Variants in SLC44A1 observed in about 807,000 individuals in gnomAD.
SLC44A1 encodes the protein choline transporter-like protein 1.
In SLC44A1, 26 loss-of-function variants were observed where a neutral mutation model predicts 79.3. The ratio of observed to expected loss-of-function variants is 0.33; its 90% CI spans 0.24 to 0.46. The LOEUF (loss-of-function observed/expected upper bound fraction) is 0.46. SLC44A1 is among the 20% of genes least tolerant of loss of function. SLC44A1 has a pLI of 1.00. For missense variants in SLC44A1, 688 were observed against 798.1 expected (o/e 0.86, Z 1.66); for synonymous variants, 263 against 286.2 (o/e 0.92, Z 0.82).
At chr9:105,265,215 C>A (rs947185529) in intron 1 of SLC44A1, among the ~76,000 whole-genome samples, 1 of 152,132 alleles carries the variant, frequency 6.6e-6, no homozygotes. Context: ...CTTTGACAGA[C>A]GCATGGCCTT....
chr9:105,288,736 T>C (rs1830534258), intron 1 of SLC44A1, among the ~76,000 whole-genome samples: 1 of 152,234 alleles, frequency 6.6e-6, no homozygotes, highest in Admixed American at 6.5e-5. Context: ...TTTACATTGC[T>C]TTCAGTTTCT....
In SLC44A1 at chr9:105,352,703, T is replaced by C. The variant is rs141349804; in HGVS notation, c.501-3509T>C. The stretch of plus-strand genomic sequence containing the variant: ...GTAAGATACTAAAGTAGAAATGATC[T>C]CGTAATACTAGCTCCTCAAAAGTAT... On this transcript the variant is annotated intron_variant, in intron 5 of 15. Transcript: ENST00000374720. Among the ~76,000 whole-genome samples the C allele has an allele frequency of 1.1e-3, 173 of 152,328 alleles. 2 individuals are homozygous for C. Among genetic ancestry groups the C allele is most frequent in the African/African-American group, 4.0e-3 (168 of 41,578 alleles).
intron 3 of SLC44A1, among the ~76,000 whole-genome samples, chr9:105,324,461 C>T (rs1826508021): frequency 6.6e-6 from 1 of 151,922 alleles, no homozygotes; most frequent in Admixed American, 6.6e-5. Flanking sequence ...CTGTGTTGGC[C>T]AGGCTGGTCT....
chr9:105,330,959 G>A (rs963553346), intron 3 of SLC44A1, among the ~76,000 whole-genome samples: 2 of 152,146 alleles, frequency 1.3e-5, no homozygotes, highest in African/African-American at 4.8e-5. Context: ...ATGCATTTCT[G>A]TATCATCTGA....
rs1022940603 is a variant in SLC44A1 at position 105,387,165 on chromosome 9, C to T, written c.1950+1663C>T. Among the ~76,000 whole-genome samples, 4 of 148,640 alleles carry T rather than the reference C, an allele frequency of 2.7e-5. No homozygotes were observed. The East Asian group carries it at 5.9e-4, about 22-fold the overall frequency. Reference sequence around the variant, plus strand: ...AGGCTATATGTATATTCAAACTAATCGCATATTCAACCTAAGTTAAAGCCT... The same window carrying T: ...AGGCTATATGTATATTCAAACTAATTGCATATTCAACCTAAGTTAAAGCCT... On this transcript the variant is annotated intron_variant, in intron 15 of 15. Coordinates refer to ENST00000374720, the MANE Select transcript of SLC44A1 (RefSeq NM_080546.5).
At chr9:105,311,371 A>G (rs1426511919) in intron 3 of SLC44A1, among the ~76,000 whole-genome samples, 1 of 152,174 alleles carries the variant, frequency 6.6e-6, no homozygotes. Context: ...ATAAGAGGAA[A>G]AGGGATCTGC....
Position 105,366,433 on chromosome 9 carries a change from A to C in SLC44A1, c.1494+4A>C. 7.8e-7 allele frequency: 1 copy of C among 1,285,288 alleles called. No individual in the cohort carries two copies. The highest frequency in any genetic ancestry group is 1.1e-6 in the Non-Finnish European group (1 of 935,626). 79.6% of individuals were successfully genotyped at this position (1,285,288 alleles called of 1,614,324 possible). On this transcript the variant is annotated splice_donor_region_variant and intron_variant, in intron 12 of 15. Transcript: ENST00000374720. Reference sequence around the variant, plus strand: ...GTGCCTAAATTATTTAAATCAGGTAAAATATTTTAAAAATAAATCTAATAT... The same window carrying C: ...GTGCCTAAATTATTTAAATCAGGTACAATATTTTAAAAATAAATCTAATAT...
chr9:105,334,237 A>G (rs983809813), intron 3 of SLC44A1, among the ~76,000 whole-genome samples: 5 of 146,914 alleles, frequency 3.4e-5, no homozygotes, highest in Admixed American at 2.0e-4. Context: ...GGTCACACAC[A>G]CATTTTTTTT....
intron 4 of SLC44A1, among the ~76,000 whole-genome samples, chr9:105,341,121 G>A (rs775504129): frequency 3.2e-4 from 49 of 152,078 alleles, no homozygotes; most frequent in Non-Finnish European, 4.3e-4. Context: ...GATCACCTGA[G>A]GTCAGGAGTT....
chr9:105,364,475 C>T, intron 9 of SLC44A1, 80 bp from the exon 10 acceptor site: 6 of 1,214,650 alleles, frequency 4.9e-6, no homozygotes, highest in Non-Finnish European at 7.0e-6. Context: ...GGGTAGGGAC[C>T]TATTGCCTTC....
rs1011200274 is a variant in SLC44A1 at position 105,334,374 on chromosome 9, AT to A, written c.270-1180del. Reference sequence around the variant, plus strand: ...AGTAGCCCCCTTTTTTTTCCTACTTATTTTTTTTTCCTTTATAGTTTCCATT... The same window carrying A: ...AGTAGCCCCCTTTTTTTTCCTACTTATTTTTTTTCCTTTATAGTTTCCATT... On this transcript the variant is annotated intron_variant, in intron 3 of 15. Coordinates refer to ENST00000374720, the MANE Select transcript of SLC44A1 (RefSeq NM_080546.5). Among the ~76,000 whole-genome samples, 56 of 143,356 alleles carry A rather than the reference AT, an allele frequency of 3.9e-4. 1 individual carries two copies. Among genetic ancestry groups the A allele is most frequent in the African/African-American group, 1.3e-3 (50 of 38,588 alleles). 94.0% of individuals were successfully genotyped at this position (143,356 alleles called of 152,430 possible).
intron 15 of SLC44A1, among the ~76,000 whole-genome samples, chr9:105,434,340 C>CA (rs919892137): frequency 7.6e-4 from 106 of 139,386 alleles, no homozygotes; most frequent in African/African-American, 2.4e-3. Flanking sequence ...GACTCCATCT[C>CA]AAAAAAAAAG....
intron 1 of SLC44A1, among the ~76,000 whole-genome samples, chr9:105,278,312 G>A (rs993998981): frequency 4.0e-5 from 6 of 151,832 alleles, no homozygotes; most frequent in South Asian, 4.2e-4. Context: ...GCAGTGGTGC[G>A]GTCTTGGCTC....
intron 15 of SLC44A1, among the ~76,000 whole-genome samples, chr9:105,388,546 A>G (rs957903): frequency 0.2 from 30,768 of 152,092 alleles, 4,086 homozygotes; most frequent in Non-Finnish European, 0.29. Flanking sequence ...GAGGTTTTAT[A>G]TTTTCCTTTT....
rs1353032983 is a variant in SLC44A1 at position 105,366,044 on chromosome 9, A to G, written c.1411-302A>G. Among the ~76,000 whole-genome samples the G allele has an allele frequency of 6.6e-5, 10 of 152,278 alleles. No homozygotes were observed. The South Asian group carries it at 1.9e-3, about 28-fold the overall frequency. On this transcript the variant is annotated intron_variant, in intron 11 of 15. Coordinates refer to ENST00000374720, the MANE Select transcript of SLC44A1 (RefSeq NM_080546.5). Reference sequence around the variant, plus strand: ...TCCACTCTCATAACACTTAGTATCTATACTATATTCTGATTCTAACCTTTT... The same window carrying G: ...TCCACTCTCATAACACTTAGTATCTGTACTATATTCTGATTCTAACCTTTT...
At chr9:105,282,643 G>A (rs780469227) in intron 1 of SLC44A1, among the ~76,000 whole-genome samples, 2 of 152,072 alleles carry the variant, frequency 1.3e-5, no homozygotes, top group Non-Finnish European at 2.9e-5. Context: ...CCGCCTCCTG[G>A]GTTCAACCAA....
At chr9:105,284,544 G>A (rs1204290269) in intron 1 of SLC44A1, among the ~76,000 whole-genome samples, 1 of 152,104 alleles carries the variant, frequency 6.6e-6, no homozygotes, top group Non-Finnish European at 1.5e-5. Flanking sequence ...GGGATTGAAA[G>A]TCAGCACCTT....
chr9:105,334,370 A>C (rs1588794113), intron 3 of SLC44A1, among the ~76,000 whole-genome samples: 1 of 144,430 alleles, frequency 6.9e-6, no homozygotes, highest in Admixed American at 6.9e-5. Flanking sequence ...TTTTTTTCCT[A>C]CTTATTTTTT....
intron 3 of SLC44A1, 80 bp downstream of exon 3, chr9:105,309,946 A>T: frequency 7.1e-7 from 1 of 1,405,042 alleles, no homozygotes; most frequent in Non-Finnish European, 9.7e-7. Flanking sequence ...TTGCTGTTTT[A>T]AAGATAATAT....
Sources: allele counts gnomAD v4.1 joint callset (sites outside exome capture counted in the v4.1 genomes callset), GRCh38; gene constraint gnomAD v4.1.1; transcripts MANE v1.5; gene names NCBI Gene and HGNC (gene_info 2026-07-23, HGNC 2026-07-21).